The following SYNPO2 variants were observed in gnomAD, a reference collection of about 807,000 sequenced individuals.
The protein encoded by SYNPO2 is synaptopodin 2, also known as synaptopodin-2.
In SYNPO2, 56 loss-of-function variants were observed where a neutral mutation model predicts 85.0. That is an observed-to-expected ratio of 0.66 (90% CI 0.53 to 0.82). SYNPO2 has a LOEUF of 0.82. Ranked by LOEUF, SYNPO2 falls within the 40% of genes least tolerant of loss-of-function variation. SYNPO2 has a pLI of 0.00. For missense variants in SYNPO2, 1,575 were observed against 1,534.2 expected, an observed-to-expected ratio of 1.03 and a Z score of -0.44; for synonymous variants, 602 against 591.1, an observed-to-expected ratio of 1.02 and a Z score of -0.27.
intron 1 of SYNPO2, among the ~76,000 whole-genome samples, chr4:118,937,390 T>C (rs553220112): frequency 4.6e-5 from 7 of 152,296 alleles, no homozygotes; most frequent in African/African-American, 1.7e-4. Flanking sequence ...TCATCATTAA[T>C]TCTCAACCAG....
intron 1 of SYNPO2, among the ~76,000 whole-genome samples, chr4:118,899,865 G>A (rs541218234): frequency 1.3e-5 from 2 of 152,064 alleles, no homozygotes; most frequent in Non-Finnish European, 1.5e-5. Flanking sequence ...AGGTTCAAGC[G>A]ATTCTCCTGC....
Position 119,032,047 on chromosome 4 carries a change from T to G in SYNPO2, c.3252+20T>G. 6.2e-7 allele frequency: 1 copy of G among 1,612,742 alleles called. No individual in the cohort carries two copies. Among genetic ancestry groups the G allele is most frequent in the Non-Finnish European group, 8.5e-7 (1 of 1,179,280 alleles). On this transcript the variant is annotated intron_variant, in intron 4 of 4. Coordinates refer to ENST00000307142, the MANE Select transcript of SYNPO2 (RefSeq NM_133477.3). Reference sequence around the variant, plus strand: ...ATTCAGGTGTGGAAACCATCTGTTGTGGAAGAGTAATCTTGTAGCTGAAGC... The same window carrying G: ...ATTCAGGTGTGGAAACCATCTGTTGGGGAAGAGTAATCTTGTAGCTGAAGC...
chr4:119,036,723 G>A (rs755169837), intron 4 of SYNPO2: 98 of 986,506 alleles, frequency 9.9e-5, no homozygotes, highest in Non-Finnish European at 1.1e-4. Context: ...GTCGTCAGAT[G>A]CAGCCAGTTT....
At chr4:119,013,711 ATTGT>A (rs1316613124) in intron 1 of SYNPO2, among the ~76,000 whole-genome samples, 1 of 152,226 alleles carries the variant, frequency 6.6e-6, no homozygotes, top group African/African-American at 2.4e-5. Flanking sequence ...ATTGAGAGTG[ATTGT>A]TTGATATTGT....
At chr4:118,976,354 T>A (rs1735735758) in intron 1 of SYNPO2, among the ~76,000 whole-genome samples, 1 of 152,006 alleles carries the variant, frequency 6.6e-6, no homozygotes, top group African/African-American at 2.4e-5. Flanking sequence ...AAGCTGCAGA[T>A]CTTCGCGGTG....
chr4:118,949,591 A>C (rs1423425998), intron 1 of SYNPO2, among the ~76,000 whole-genome samples: 4 of 151,770 alleles, frequency 2.6e-5, no homozygotes, highest in African/African-American at 4.8e-5. Context: ...AAAAAAAAAA[A>C]AACAAAAATT....
chr4:118,851,770 G>A (rs940987460), intron 1 of SYNPO2, among the ~76,000 whole-genome samples: 1 of 152,068 alleles, frequency 6.6e-6, no homozygotes, highest in African/African-American at 2.4e-5. Flanking sequence ...ATAGAACACA[G>A]CTGGATTATC....
At chr4:118,866,900 ATAGC>A (rs1337909790) in intron 1 of SYNPO2, among the ~76,000 whole-genome samples, 1 of 152,194 alleles carries the variant, frequency 6.6e-6, no homozygotes, top group Non-Finnish European at 1.5e-5. Context: ...GTAGTTCTTT[ATAGC>A]TGTGTGAGAA....
chr4:118,867,096 T>C (rs1731709311), intron 1 of SYNPO2, among the ~76,000 whole-genome samples: 1 of 152,188 alleles, frequency 6.6e-6, no homozygotes, highest in Non-Finnish European at 1.5e-5. Flanking sequence ...TTCACACCCA[T>C]TCATTCACAT....
chr4:118,867,256 C>T (rs1273597911), intron 1 of SYNPO2, among the ~76,000 whole-genome samples: 1 of 152,130 alleles, frequency 6.6e-6, no homozygotes, highest in Non-Finnish European at 1.5e-5. Context: ...AATATATTGA[C>T]TTCATATTTA....
upstream of SYNPO2, among the ~76,000 whole-genome samples, chr4:118,886,365 C>A (rs914474864): frequency 3.9e-5 from 6 of 152,074 alleles, no homozygotes; most frequent in African/African-American, 1.4e-4. Flanking sequence ...GTTTTAAGCC[C>A]CGCATGCGTT....
chr4:118,960,663 CTT>C, intron 1 of SYNPO2, among the ~76,000 whole-genome samples: 1 of 152,192 alleles, frequency 6.6e-6, no homozygotes, highest in African/African-American at 2.4e-5. Context: ...GCGTCTCAAA[CTT>C]AATATGGCTA....
intron 1 of SYNPO2, among the ~76,000 whole-genome samples, chr4:118,878,927 T>C (rs1195912513): frequency 6.6e-6 from 1 of 152,202 alleles, no homozygotes; most frequent in Non-Finnish European, 1.5e-5. Flanking sequence ...CTACTGCTGT[T>C]CAGTTTTTGG....
At chr4:118,912,985 T>G (rs1733191728) in intron 1 of SYNPO2, among the ~76,000 whole-genome samples, 1 of 152,200 alleles carries the variant, frequency 6.6e-6, no homozygotes, top group Non-Finnish European at 1.5e-5. Context: ...CAAGGCAAAA[T>G]CAACCATACT....
At chr4:118,879,780 G>A (rs1208267660) in intron 1 of SYNPO2, among the ~76,000 whole-genome samples, 2 of 152,142 alleles carry the variant, frequency 1.3e-5, no homozygotes, top group African/African-American at 4.8e-5. Flanking sequence ...TTGGCCAGCA[G>A]TCAGGTACGT....
chr4:119,037,350 C>A, intron 4 of SYNPO2: 19 of 1,233,166 alleles, frequency 1.5e-5, no homozygotes, highest in South Asian at 1.4e-4. Context: ...GAAAAAATTT[C>A]AAAAATCAAA....
At position 118,914,692 on chromosome 4, in the gene SYNPO2, T is replaced by C. The variant is rs373287879; in HGVS notation, c.105+25551T>C. Among the ~76,000 whole-genome samples, 18 of 151,744 alleles carry C rather than the reference T, an allele frequency of 1.2e-4. 1 individual carries two copies. Among genetic ancestry groups the C allele is most frequent in the Admixed American group, 4.6e-4 (7 of 15,214 alleles). ...GAAGACAGCAAGTGGAGACATAGAG[T>C]CTAGATAATTATATTTAAAGTTTGG... On this transcript the variant is annotated intron_variant, in intron 1 of 4. Transcript: ENST00000307142.
intron 1 of SYNPO2, among the ~76,000 whole-genome samples, chr4:118,929,187 G>A (rs1401869333): frequency 6.6e-6 from 1 of 152,052 alleles, no homozygotes; most frequent in Admixed American, 6.6e-5. Context: ...GAGGGAAAGA[G>A]AGAAAGGAAG....
chr4:119,024,550 T>C lies in SYNPO2; in HGVS notation c.257+969T>C, dbSNP rs1192449070. Among the ~76,000 whole-genome samples, 4 of 152,334 alleles carry C rather than the reference T, an allele frequency of 2.6e-5. No individual in the cohort carries two copies. The East Asian group carries it at 7.7e-4, about 29-fold the overall frequency. ...AAATCTTGAGACAACAATGGAAATC[T>C]AGCATTATTCTTATAATCTAAATAT... On this transcript the variant is annotated intron_variant, in intron 2 of 4. Transcript: ENST00000307142.
Sources: allele counts gnomAD v4.1 joint callset (sites outside exome capture counted in the v4.1 genomes callset), GRCh38; gene constraint gnomAD v4.1.1; transcripts MANE v1.5; gene names NCBI Gene and HGNC (gene_info 2026-07-23, HGNC 2026-07-21).